ST6GALNAC3: variants seen among roughly 807,000 people sequenced by gnomAD.
ST6GALNAC3 encodes the protein ST6 N-acetylgalactosaminide alpha-2,6-sialyltransferase 3.
In ST6GALNAC3, 25 loss-of-function variants were observed where a neutral mutation model predicts 32.7. The observed-to-expected ratio is 0.76, with a 90% CI of 0.56 to 1.07. The LOEUF is 1.07. Ranked by LOEUF, ST6GALNAC3 falls within the 50% of genes least tolerant of loss-of-function variation. The probability of loss-of-function intolerance (pLI) is 0.00; values close to 1 mark genes in which losing one functional copy is unlikely to be tolerated. For missense variants in ST6GALNAC3, 355 were observed against 382.4 expected, an observed-to-expected ratio of 0.93 and a Z score of 0.60; for synonymous variants, 129 against 133.1, an observed-to-expected ratio of 0.97 and a Z score of 0.21.
chr1:76,408,105 T>C (rs1653962441), intron 2 of ST6GALNAC3, among the ~76,000 whole-genome samples: 1 of 152,076 alleles, frequency 6.6e-6, no homozygotes. Flanking sequence ...AATGAGTCCC[T>C]TGGGCTTTGC....
At chr1:76,278,206 C>CCACTTGATCTTAGCCA (rs1553172672) in intron 1 of ST6GALNAC3, among the ~76,000 whole-genome samples, 2 of 141,852 alleles carry the variant, frequency 1.4e-5, no homozygotes, top group African/African-American at 5.8e-5. Flanking sequence ...CATGTATTCT[C>CCACTTGATCTTAGCCA]ATTATTGCTA....
chr1:76,385,931 G>A (rs960155273), intron 2 of ST6GALNAC3, among the ~76,000 whole-genome samples: 5 of 152,030 alleles, frequency 3.3e-5, no homozygotes, highest in Non-Finnish European at 7.4e-5. Flanking sequence ...ATGACCCTGA[G>A]TTTGCCATAA....
intron 3 of ST6GALNAC3, among the ~76,000 whole-genome samples, chr1:76,428,819 A>C (rs1655563836): frequency 6.6e-6 from 1 of 152,190 alleles, no homozygotes; most frequent in African/African-American, 2.4e-5. Flanking sequence ...GATCTAATTA[A>C]GTTTAACAAC....
intron 1 of ST6GALNAC3, among the ~76,000 whole-genome samples, chr1:76,160,883 A>G (rs922887465): frequency 2.8e-5 from 3 of 108,272 alleles, no homozygotes; most frequent in Non-Finnish European, 6.4e-5. Context: ...CTTGCTCTAT[A>G]CTTCAAATAT....
At chr1:76,083,344 C>A (rs917127548) in intron 1 of ST6GALNAC3, among the ~76,000 whole-genome samples, 2 of 152,242 alleles carry the variant, frequency 1.3e-5, no homozygotes. Flanking sequence ...CTGTTTGCTG[C>A]GCGGCTGGCC....
chr1:76,176,166 G>A (rs2100441834), intron 1 of ST6GALNAC3, among the ~76,000 whole-genome samples: 1 of 152,258 alleles, frequency 6.6e-6, no homozygotes, highest in African/African-American at 2.4e-5. Context: ...TAATGACTCA[G>A]AACTGAGAAA....
chr1:76,455,593 A>C (rs1657716825), intron 3 of ST6GALNAC3, among the ~76,000 whole-genome samples: 1 of 152,168 alleles, frequency 6.6e-6, no homozygotes. Flanking sequence ...TTTCAGCTAC[A>C]AGTTGAAAAC....
intron 3 of ST6GALNAC3, among the ~76,000 whole-genome samples, chr1:76,605,861 TAAAAAAAAAAAA>T (rs1159864958): frequency 1.2e-4 from 7 of 58,920 alleles, no homozygotes; most frequent in African/African-American, 3.7e-4. Context: ...GGAGACTCCA[TAAAAAAAAAAAA>T]AAAAAAAAAA....
rs1176860905 is a variant in ST6GALNAC3 at position 76,569,821 on chromosome 1, G to T, written c.624-57631G>T. Among the ~76,000 whole-genome samples, 4 of 152,014 alleles carry T rather than the reference G, an allele frequency of 2.6e-5. No individual in the cohort carries two copies. In the East Asian group the frequency reaches 7.7e-4, roughly 29 times the overall value. Reference sequence around the variant, plus strand: ...TTACTGTTCAATACTGAGTCATTTTGATTAGACCCATATTTTATCACTTGT... The same window carrying T: ...TTACTGTTCAATACTGAGTCATTTTTATTAGACCCATATTTTATCACTTGT... On this transcript the variant is annotated intron_variant, in intron 3 of 4. Transcript: ENST00000328299.
At chr1:76,195,990 A>C (rs1254529757) in intron 1 of ST6GALNAC3, among the ~76,000 whole-genome samples, 1 of 152,236 alleles carries the variant, frequency 6.6e-6, no homozygotes, top group East Asian at 1.9e-4. Context: ...ATTTCTCTTT[A>C]AGGAAAATCA....
At chr1:76,117,558 A>T (rs963381329) in intron 1 of ST6GALNAC3, among the ~76,000 whole-genome samples, 1 of 152,248 alleles carries the variant, frequency 6.6e-6, no homozygotes, top group South Asian at 2.1e-4. Flanking sequence ...CTGCATTTTC[A>T]TAATTCTGTC....
At chr1:76,225,348 TC>T (rs775510435) in intron 1 of ST6GALNAC3, among the ~76,000 whole-genome samples, 60 of 152,156 alleles carry the variant, frequency 3.9e-4, no homozygotes, top group Non-Finnish European at 7.1e-4. Context: ...TATGGCTTGG[TC>T]CCTTGTGAAG....
In ST6GALNAC3 at chr1:76,158,339, T is replaced by C. The variant is rs555438735; in HGVS notation, c.18+83455T>C. 2.6e-5 allele frequency among the ~76,000 whole-genome samples: 4 copies of C among 152,322 alleles called. No homozygotes were observed. In the East Asian group the frequency reaches 7.7e-4, roughly 29 times the overall value. On this transcript the variant is annotated intron_variant, in intron 1 of 4. Coordinates refer to ENST00000328299, the MANE Select transcript of ST6GALNAC3 (RefSeq NM_152996.4). ...GCAATGCAGTTCTACACCCTGGACA[T>C]AGCAACCGACTGAGTCAGGCCAATT...
chr1:76,292,015 G>A (rs1375325421), intron 1 of ST6GALNAC3, among the ~76,000 whole-genome samples: 2 of 152,200 alleles, frequency 1.3e-5, no homozygotes, highest in African/African-American at 4.8e-5. Flanking sequence ...TGTTACTGGG[G>A]GAGATTTATG....
intron 1 of ST6GALNAC3, among the ~76,000 whole-genome samples, chr1:76,102,344 G>A (rs1007357491): frequency 6.6e-6 from 1 of 151,904 alleles, no homozygotes; most frequent in African/African-American, 2.4e-5. Flanking sequence ...GCATATGGTT[G>A]AGTTGGACAG....
intron 1 of ST6GALNAC3, among the ~76,000 whole-genome samples, chr1:76,306,758 A>G (rs1442563863): frequency 6.6e-6 from 1 of 151,806 alleles, no homozygotes; most frequent in Non-Finnish European, 1.5e-5. Context: ...ACATGATAAG[A>G]GGTTACATTG....
chr1:76,099,507 T>G (rs1000773906), intron 1 of ST6GALNAC3, among the ~76,000 whole-genome samples: 2 of 152,232 alleles, frequency 1.3e-5, no homozygotes, highest in Non-Finnish European at 2.9e-5. Context: ...AGGAATGCAC[T>G]GTCGATACAT....
At chr1:76,450,407 A>G (rs1657307182) in intron 3 of ST6GALNAC3, among the ~76,000 whole-genome samples, 1 of 152,170 alleles carries the variant, frequency 6.6e-6, no homozygotes, top group South Asian at 2.1e-4. Flanking sequence ...TCCTTAGCCC[A>G]CTTTTTGATG....
intron 3 of ST6GALNAC3, among the ~76,000 whole-genome samples, chr1:76,559,722 G>C (rs1273885301): frequency 6.6e-6 from 1 of 152,132 alleles, no homozygotes. Flanking sequence ...ACAGTACACA[G>C]TACGTGGTTT....
Sources: gnomAD v4.1 joint callset for allele counts (sites outside exome capture counted in the v4.1 genomes callset) on GRCh38, gnomAD v4.1.1 for gene constraint, MANE v1.5 for transcripts, NCBI Gene and HGNC (gene_info 2026-07-23, HGNC 2026-07-21) for gene names.